Variants in GALNT17 observed in about 807,000 individuals in gnomAD.
GALNT17 encodes the protein polypeptide N-acetylgalactosaminyltransferase 17.
GALNT17 carries 29 observed loss-of-function variants against 63.7 expected under a neutral mutation model. The observed-to-expected ratio is 0.46, with a 90% CI of 0.34 to 0.62. The LOEUF (loss-of-function observed/expected upper bound fraction) is 0.62, where lower values mean the gene tolerates loss of function less well. Ranked by LOEUF, GALNT17 falls within the 20% of genes least tolerant of loss-of-function variation. The probability of loss-of-function intolerance (pLI) is 0.01; values close to 1 mark genes in which losing one functional copy is unlikely to be tolerated. For missense variants in GALNT17, 603 were observed against 799.6 expected (o/e 0.75, Z 2.97); for synonymous variants, 305 against 318.3 (o/e 0.96, Z 0.45).
chr7:71,289,747 C>T (rs552744664), intron 1 of GALNT17, among the ~76,000 whole-genome samples: 7 of 152,222 alleles, frequency 4.6e-5, no homozygotes, highest in East Asian at 3.9e-4. Context: ...GGCGTGGTAG[C>T]GCATGCCTGT....
intron 2 of GALNT17, among the ~76,000 whole-genome samples, chr7:71,342,136 A>G (rs984106098): frequency 1.3e-5 from 2 of 152,196 alleles, no homozygotes; most frequent in Admixed American, 1.3e-4. Flanking sequence ...ATTTATAAAT[A>G]TAAGAAGTTT....
intron 5 of GALNT17, among the ~76,000 whole-genome samples, chr7:71,444,210 C>T (rs1787119007): frequency 6.6e-6 from 1 of 152,200 alleles, no homozygotes; most frequent in Admixed American, 6.5e-5. Flanking sequence ...ATCTCTATGG[C>T]TCATGCTGGC....
intron 6 of GALNT17, among the ~76,000 whole-genome samples, chr7:71,660,119 C>T (rs1790884851): frequency 6.6e-6 from 1 of 152,176 alleles, no homozygotes; most frequent in South Asian, 2.1e-4. Context: ...CCCTGCCCAG[C>T]CCAGTAGGCC....
At chr7:71,138,713 C>T (rs1214554212) in intron 1 of GALNT17, among the ~76,000 whole-genome samples, 1 of 152,150 alleles carries the variant, frequency 6.6e-6, no homozygotes, top group Non-Finnish European at 1.5e-5. Context: ...GTGGCTCACG[C>T]CTGTAATCCC....
chr7:71,656,703 G>A lies in GALNT17; in HGVS notation c.1081-8708G>A, dbSNP rs1183497641. Among the ~76,000 whole-genome samples, 5 of 152,212 alleles carry A rather than the reference G, an allele frequency of 3.3e-5. No homozygotes were observed. In the East Asian group the frequency reaches 9.7e-4, roughly 29 times the overall value. On this transcript the variant is annotated intron_variant, in intron 6 of 10. Transcript: ENST00000333538. The stretch of plus-strand genomic sequence containing the variant: ...GGTCATAGTGGATGTGAAAGGAAGT[G>A]GATGCAGTTGAGCTGTAGTGAAGAG...
intron 5 of GALNT17, among the ~76,000 whole-genome samples, chr7:71,525,228 C>T (rs538165368): frequency 2.0e-4 from 30 of 152,188 alleles, no homozygotes; most frequent in African/African-American, 5.1e-4. Flanking sequence ...AGCTGGAGAG[C>T]GCACTGGTGT....
chr7:71,345,049 A>G (rs1426373881), intron 2 of GALNT17, among the ~76,000 whole-genome samples: 3 of 151,768 alleles, frequency 2.0e-5, no homozygotes, highest in Non-Finnish European at 4.4e-5. Flanking sequence ...TTTATTTATG[A>G]TTTGGCTCTG....
intron 5 of GALNT17, among the ~76,000 whole-genome samples, chr7:71,438,114 T>C (rs9942637): frequency 0.053 from 8,122 of 152,226 alleles, 760 homozygotes; most frequent in African/African-American, 0.19. Flanking sequence ...TAGTCAGGGT[T>C]CTCTAGAGGG....
chr7:71,239,450 C>T (rs560556793), intron 1 of GALNT17, among the ~76,000 whole-genome samples: 1 of 152,178 alleles, frequency 6.6e-6, no homozygotes, highest in African/African-American at 2.4e-5. Context: ...CCAGCCTAGA[C>T]AACAGAGAGA....
intron 1 of GALNT17, among the ~76,000 whole-genome samples, chr7:71,301,073 A>G (rs1791186473): frequency 6.6e-6 from 1 of 152,052 alleles, no homozygotes; most frequent in Non-Finnish European, 1.5e-5. Context: ...GGATCCCTTG[A>G]GCCCTGGAGT....
chr7:71,420,875 G>A, intron 4 of GALNT17, 33 bp from the exon 5 acceptor site: 1 of 1,599,096 alleles, frequency 6.3e-7, no homozygotes, highest in South Asian at 1.1e-5. Context: ...CGGGAGAGAA[G>A]AGAGGTTTCA....
At chr7:71,367,676 T>A (rs1256484536) in intron 2 of GALNT17, among the ~76,000 whole-genome samples, 3 of 152,148 alleles carry the variant, frequency 2.0e-5, no homozygotes, top group Non-Finnish European at 4.4e-5. Context: ...GTCCACCAGC[T>A]CCTTTCAAAT....
intron 1 of GALNT17, among the ~76,000 whole-genome samples, chr7:71,283,150 GC>G (rs35563972): frequency 0.57 from 86,804 of 151,256 alleles, 25,470 homozygotes; most frequent in East Asian, 0.9. Flanking sequence ...TCCTGCCTCA[GC>G]CCCCCCCAAG....
intron 6 of GALNT17, among the ~76,000 whole-genome samples, chr7:71,652,892 G>T (rs183769560): frequency 1.3e-5 from 2 of 152,338 alleles, no homozygotes; most frequent in East Asian, 3.9e-4. Context: ...CATTGCAATT[G>T]CAGCGAGAGA....
intron 9 of GALNT17, among the ~76,000 whole-genome samples, chr7:71,697,016 G>A (rs940062894): frequency 3.3e-5 from 5 of 152,136 alleles, no homozygotes; most frequent in African/African-American, 1.2e-4. Flanking sequence ...GACAGGGTGG[G>A]GCTAGGGAGA....
At chr7:71,639,063 C>T (rs1790568573) in intron 6 of GALNT17, among the ~76,000 whole-genome samples, 1 of 152,094 alleles carries the variant, frequency 6.6e-6, no homozygotes, top group Non-Finnish European at 1.5e-5. Flanking sequence ...AACTCAATTG[C>T]ATTTTAAGAT....
intron 2 of GALNT17, among the ~76,000 whole-genome samples, chr7:71,386,355 T>C (rs988020450): frequency 6.6e-6 from 1 of 152,234 alleles, no homozygotes; most frequent in African/African-American, 2.4e-5. Flanking sequence ...TGGCTTCATC[T>C]GTTTTCTTTG....
At chr7:71,377,914 C>A (rs1792775479) in intron 2 of GALNT17, among the ~76,000 whole-genome samples, 1 of 152,150 alleles carries the variant, frequency 6.6e-6, no homozygotes, top group Non-Finnish European at 1.5e-5. Flanking sequence ...TGAGGCCTTC[C>A]AAGCCATGTG....
chr7:71,315,494 T>C (rs185544284), intron 1 of GALNT17, among the ~76,000 whole-genome samples: 28 of 152,304 alleles, frequency 1.8e-4, no homozygotes, highest in African/African-American at 5.8e-4. Context: ...CCATCAACAA[T>C]GTACAAGAGA....
Sources: gnomAD v4.1 joint callset for allele counts (sites outside exome capture counted in the v4.1 genomes callset) on GRCh38, gnomAD v4.1.1 for gene constraint, MANE v1.5 for transcripts, NCBI Gene and HGNC (gene_info 2026-07-23, HGNC 2026-07-21) for gene names.